Variants in PCDH7 observed in about 807,000 individuals in gnomAD.
PCDH7 encodes protocadherin 7, also known as protocadherin-7.
PCDH7 carries 17 observed loss-of-function variants against 58.9 expected under a neutral mutation model. The ratio of observed to expected loss-of-function variants is 0.29; its 90% CI spans 0.20 to 0.43. PCDH7 has a LOEUF of 0.43. Among genes scored for constraint, PCDH7 ranks in the 20% least tolerant of loss-of-function variants. PCDH7 has a pLI of 1.00. For synonymous variants in PCDH7, 664 were observed against 616.4 expected, an observed-to-expected ratio of 1.08 and a Z score of -1.14; for missense variants, 1,274 against 1,441.0, an observed-to-expected ratio of 0.88 and a Z score of 1.88.
At chr4:30,896,889 CTT>C (rs71190474) in intron 1 of PCDH7, among the ~76,000 whole-genome samples, 62 of 27,314 alleles carry the variant, frequency 2.3e-3, no homozygotes, top group African/African-American at 8.2e-3. Flanking sequence ...TAGTTCTTTG[CTT>C]TTTTTTTTTT....
At chr4:31,102,586 G>A (rs1578802102) in intron 3 of PCDH7, among the ~76,000 whole-genome samples, 1 of 151,696 alleles carries the variant, frequency 6.6e-6, no homozygotes, top group South Asian at 2.1e-4. Flanking sequence ...AGCCAGTGTG[G>A]TGGTGGAACC....
At chr4:30,744,314 T>TTCATATA (rs1717491369) in intron 1 of PCDH7, among the ~76,000 whole-genome samples, 1 of 152,222 alleles carries the variant, frequency 6.6e-6, no homozygotes, top group African/African-American at 2.4e-5. Context: ...CATTCCTTGA[T>TTCATATA]TCATATAACT....
intron 1 of PCDH7, among the ~76,000 whole-genome samples, chr4:30,839,870 A>G (rs1296959191): frequency 2.0e-5 from 3 of 152,164 alleles, no homozygotes; most frequent in African/African-American, 7.2e-5. Flanking sequence ...TTGCTGACTC[A>G]TGCATGCTAA....
Position 31,131,002 on chromosome 4 carries a change from A to G in PCDH7, c.*8-11471A>G, listed in dbSNP as rs528370553. Among the ~76,000 whole-genome samples, 7 of 152,228 alleles carry G rather than the reference A, an allele frequency of 4.6e-5. No homozygotes were observed. The East Asian group carries it at 9.7e-4, about 21-fold the overall frequency. On this transcript the variant is annotated intron_variant, in intron 3 of 3. Coordinates refer to the PCDH7 transcript ENST00000509759. ...TGTTACCTAACATATGCACAGTTCC[A>G]CAGATTAGGATGCATACATTTTTGG...
rs995802502 is a variant in PCDH7 at position 30,801,535 on chromosome 4, A to G, written c.70+76939A>G. Among the ~76,000 whole-genome samples the G allele has an allele frequency of 4.6e-5, 7 of 152,310 alleles. 1 individual carries two copies. The highest frequency in any genetic ancestry group is 1.7e-4 in the African/African-American group (7 of 41,568). ...TAATAATAATATCAAAAGCAACAAT[A>G]ATAATAAAAATCAATTCAATCCCTG... On this transcript the variant is annotated intron_variant, in intron 1 of 3. Transcript: ENST00000509759.
intron 1 of PCDH7, among the ~76,000 whole-genome samples, chr4:30,911,625 C>G (rs1038634604): frequency 1.3e-5 from 2 of 151,990 alleles, no homozygotes; most frequent in South Asian, 4.1e-4. Context: ...TTTAGAAAAA[C>G]AATTGCCTAC....
chr4:31,001,486 G>A (rs1023506370), intron 3 of PCDH7, among the ~76,000 whole-genome samples: 3 of 151,974 alleles, frequency 2.0e-5, no homozygotes, highest in Admixed American at 2.0e-4. Context: ...TTTTTTTAAA[G>A]TATATGTTTG....
chr4:30,907,488 C>G (rs1199793606), intron 1 of PCDH7, among the ~76,000 whole-genome samples: 1 of 152,150 alleles, frequency 6.6e-6, no homozygotes, highest in Non-Finnish European at 1.5e-5. Flanking sequence ...CAGCCAATGT[C>G]ATATGCAAAA....
chr4:30,810,470 TA>T (rs1726834600), intron 1 of PCDH7, among the ~76,000 whole-genome samples: 1 of 151,968 alleles, frequency 6.6e-6, no homozygotes, highest in South Asian at 2.1e-4. Context: ...AAATAAATGG[TA>T]AAATAAATTT....
chr4:31,106,363 A>G (rs1261707664), intron 3 of PCDH7, among the ~76,000 whole-genome samples: 2 of 152,200 alleles, frequency 1.3e-5, no homozygotes, highest in Admixed American at 6.5e-5. Flanking sequence ...ATGTGCTGCT[A>G]GGGAGGATCT....
intron 3 of PCDH7, among the ~76,000 whole-genome samples, chr4:31,060,190 A>G (rs1757571576): frequency 1.3e-5 from 2 of 151,662 alleles, no homozygotes; most frequent in South Asian, 4.1e-4. Flanking sequence ...CTGGGAAGAG[A>G]TGGATATTTT....
In PCDH7 at chr4:31,057,959, T is replaced by C. The variant is rs540924563; in HGVS notation, c.*8-84514T>C. Among the ~76,000 whole-genome samples the C allele has an allele frequency of 7.2e-5, 11 of 152,186 alleles. No homozygotes were observed. The South Asian group carries it at 2.3e-3, about 32-fold the overall frequency. On this transcript the variant is annotated intron_variant, in intron 3 of 3. Transcript: ENST00000509759. ...TAGGGGTTCAAAGAAAAGATAAATCTTCTAGTGGATGCTCACAGGAGAGTC... is the reference window on the plus strand; with the variant it reads ...TAGGGGTTCAAAGAAAAGATAAATCCTCTAGTGGATGCTCACAGGAGAGTC...
intron 2 of PCDH7, among the ~76,000 whole-genome samples, chr4:30,936,339 A>G (rs1745336006): frequency 6.6e-6 from 1 of 151,944 alleles, no homozygotes. Context: ...GGTAGCTTTT[A>G]TTATTTATTA....
At chr4:30,902,331 A>C (rs1740324489) in intron 1 of PCDH7, among the ~76,000 whole-genome samples, 1 of 152,100 alleles carries the variant, frequency 6.6e-6, no homozygotes, top group Non-Finnish European at 1.5e-5. Context: ...AACTGAGTGC[A>C]GGTAATAAAT....
chr4:31,054,483 A>G (rs1249229947), intron 3 of PCDH7, among the ~76,000 whole-genome samples: 1 of 152,224 alleles, frequency 6.6e-6, no homozygotes, highest in Non-Finnish European at 1.5e-5. Flanking sequence ...GAGCAAGAAC[A>G]TCAAAGTGTG....
intron 1 of PCDH7, among the ~76,000 whole-genome samples, chr4:30,892,780 A>C (rs1011824436): frequency 1.3e-5 from 2 of 152,084 alleles, no homozygotes; most frequent in Non-Finnish European, 2.9e-5. Flanking sequence ...TGAAATAACA[A>C]AGAAGGAATC....
intron 1 of PCDH7, among the ~76,000 whole-genome samples, chr4:30,745,345 A>G (rs1717642620): frequency 6.7e-6 from 1 of 149,580 alleles, no homozygotes; most frequent in Non-Finnish European, 1.5e-5. Context: ...ATTTCTAATT[A>G]TTTTTAGGTG....
intron 3 of PCDH7, among the ~76,000 whole-genome samples, chr4:30,976,684 C>T (rs878895083): frequency 6.6e-6 from 1 of 152,092 alleles, no homozygotes; most frequent in Admixed American, 6.6e-5. Context: ...CAGGGGTGAG[C>T]CACTGCACCC....
chr4:30,789,903 T>A (rs1044789322), intron 1 of PCDH7, among the ~76,000 whole-genome samples: 1 of 152,146 alleles, frequency 6.6e-6, no homozygotes, highest in African/African-American at 2.4e-5. Flanking sequence ...TGCCTCTATT[T>A]TGGGGGAAAA....
Sources: allele counts gnomAD v4.1 joint callset (sites outside exome capture counted in the v4.1 genomes callset), GRCh38; gene constraint gnomAD v4.1.1; transcripts MANE v1.5; gene names NCBI Gene and HGNC (gene_info 2026-07-23, HGNC 2026-07-21).